The following TPRG1 variants were observed in gnomAD, a reference collection of about 807,000 sequenced individuals.
TPRG1 encodes the protein tumor protein p63-regulated gene 1 protein.
In TPRG1, 29 loss-of-function variants were observed where a neutral mutation model predicts 29.3. The ratio of observed to expected loss-of-function variants is 0.99; its 90% CI spans 0.74 to 1.35. The LOEUF is 1.35. Among genes scored for constraint, TPRG1 ranks in the 40% most tolerant of loss-of-function variants. The probability of loss-of-function intolerance (pLI) is 0.00; values close to 1 mark genes in which losing one functional copy is unlikely to be tolerated. For missense variants in TPRG1, 327 were observed against 335.0 expected, an observed-to-expected ratio of 0.98 and a Z score of 0.19; for synonymous variants, 130 against 116.8, an observed-to-expected ratio of 1.11 and a Z score of -0.73.
At chr3:189,307,886 A>G (rs1195298841) in intron 4 of TPRG1, among the ~76,000 whole-genome samples, 1 of 152,232 alleles carries the variant, frequency 6.6e-6, no homozygotes, top group African/African-American at 2.4e-5. Context: ...ATGTTGTGGT[A>G]GGTCCTGAAA....
chr3:189,033,329 C>T (rs147536554), intron 4 of TPRG1, among the ~76,000 whole-genome samples: 172 of 151,544 alleles, frequency 1.1e-3, no homozygotes, highest in Non-Finnish European at 2.0e-3. Context: ...TCACCCATGC[C>T]GGAGTGCAGC....
In TPRG1 at chr3:189,114,095, AC is replaced by A. The variant is rs577031742; in HGVS notation, c.-743-12958del. The stretch of plus-strand genomic sequence containing the variant: ...CTATTCCGTCAGCTAAAATACCAGA[AC>A]CCCTTATTACATGAGGGAGCTTCTA... On this transcript the variant is annotated intron_variant, in intron 1 of 6. Coordinates refer to the TPRG1 transcript ENST00000412373. Among the ~76,000 whole-genome samples, 337 of 152,182 alleles carry A rather than the reference AC, an allele frequency of 2.2e-3. 3 individuals are homozygous for A. Among genetic ancestry groups the A allele is most frequent in the African/African-American group, 7.9e-3 (328 of 41,506 alleles).
intron 4 of TPRG1, among the ~76,000 whole-genome samples, chr3:189,305,996 C>A (rs189803407): frequency 6.4e-4 from 98 of 152,274 alleles, no homozygotes; most frequent in Admixed American, 2.0e-3. Flanking sequence ...AATAAGTGAT[C>A]CTCTATTTCT....
At chr3:189,001,792 C>A (rs1365158826) in intron 2 of TPRG1, among the ~76,000 whole-genome samples, 2 of 152,102 alleles carry the variant, frequency 1.3e-5, no homozygotes, top group Non-Finnish European at 2.9e-5. Context: ...TGACTCACTT[C>A]TTTGACTTCC....
intron 4 of TPRG1, among the ~76,000 whole-genome samples, chr3:189,044,763 GA>G (rs1714865433): frequency 6.6e-6 from 1 of 152,170 alleles, no homozygotes; most frequent in Admixed American, 6.5e-5. Flanking sequence ...TTCTTGAGGA[GA>G]AACTTGAATG....
At chr3:189,147,652 G>C (rs1408708592) in intron 4 of TPRG1, 2 of 152,286 alleles carry the variant, frequency 1.3e-5, no homozygotes, top group Non-Finnish European at 2.9e-5. Flanking sequence ...CCACAGGTAA[G>C]GAGGCTAGGG....
At chr3:189,153,091 T>C (rs1209505280) in intron 5 of TPRG1, among the ~76,000 whole-genome samples, 3 of 152,238 alleles carry the variant, frequency 2.0e-5, no homozygotes, top group African/African-American at 4.8e-5. Context: ...GTAATATTCC[T>C]CTGACAGTGT....
chr3:189,201,272 C>G (rs938767664), intron 1 of TPRG1, among the ~76,000 whole-genome samples: 1 of 152,150 alleles, frequency 6.6e-6, no homozygotes, highest in African/African-American at 2.4e-5. Context: ...CAAGGGTTCA[C>G]AGAGATAGCA....
Position 189,047,858 on chromosome 3 carries a change from A to G in TPRG1, c.-463+23912A>G, listed in dbSNP as rs1408862002. Among the ~76,000 whole-genome samples the G allele has an allele frequency of 2.0e-5, 3 of 152,168 alleles. No individual in the cohort carries two copies. In the East Asian group the frequency reaches 5.8e-4, roughly 29 times the overall value. Reference sequence around the variant, plus strand: ...CAATTCAGTTACATCTTCAGGCTCCACTTCTCATTCTAGTTATTTTGTCAT... The same window carrying G: ...CAATTCAGTTACATCTTCAGGCTCCGCTTCTCATTCTAGTTATTTTGTCAT... On this transcript the variant is annotated intron_variant, in intron 4 of 10. Transcript: ENST00000433971.
At chr3:189,034,862 C>T (rs929152022) in intron 4 of TPRG1, among the ~76,000 whole-genome samples, 3 of 152,078 alleles carry the variant, frequency 2.0e-5, no homozygotes, top group Admixed American at 6.6e-5. Flanking sequence ...GCTATACTTC[C>T]CAAAGCAATT....
intron 4 of TPRG1, among the ~76,000 whole-genome samples, chr3:189,091,088 A>G (rs1476414275): frequency 6.6e-6 from 1 of 152,144 alleles, no homozygotes; most frequent in African/African-American, 2.4e-5. Context: ...GACTTATTGT[A>G]GGGATTAAGG....
intron 4 of TPRG1, among the ~76,000 whole-genome samples, chr3:189,057,248 A>G (rs1161791231): frequency 1.3e-5 from 2 of 152,200 alleles, no homozygotes; most frequent in East Asian, 1.9e-4. Context: ...CACATGATGT[A>G]TGCTTCAGCC....
chr3:189,109,201 G>T (rs2152204436), intron 1 of TPRG1, among the ~76,000 whole-genome samples: 1 of 152,258 alleles, frequency 6.6e-6, no homozygotes, highest in East Asian at 1.9e-4. Context: ...ATGGATCAAT[G>T]AAAGATTTCT....
rs1724374814 is a variant in TPRG1, at chr3:189,322,118, A to G, written c.*1298A>G. 6.6e-6 allele frequency: 1 copy of G among 152,108 alleles called. No individual in the cohort carries two copies. The highest frequency in any genetic ancestry group is 2.1e-4 in the South Asian group (1 of 4,826). 9.4% of individuals were successfully genotyped at this position (152,108 alleles called of 1,614,324 possible). A position where few individuals can be genotyped will look rare whatever the true frequency, so the allele number is the denominator to read the frequency against. On this transcript the variant is annotated 3_prime_UTR_variant, in exon 6 of 6. Transcript: ENST00000345063. Reference sequence around the variant, plus strand: ...AAAAAGCTTTGAATGTTGACTACATAGACATTACTACAATAAGCTTTTTGC... The same window carrying G: ...AAAAAGCTTTGAATGTTGACTACATGGACATTACTACAATAAGCTTTTTGC...
In TPRG1 at chr3:189,022,799, G is replaced by C. The variant is rs539154837; in HGVS notation, c.-659-951G>C. 8.1e-3 allele frequency among the ~76,000 whole-genome samples: 1,237 copies of C among 152,278 alleles called. 5 individuals carry two copies. Among genetic ancestry groups the C allele is most frequent in the Non-Finnish European group, 0.012 (789 of 68,014 alleles). On this transcript the variant is annotated intron_variant, in intron 3 of 10. Coordinates refer to the TPRG1 transcript ENST00000433971. The stretch of plus-strand genomic sequence containing the variant: ...CTGCTTTGTTTACCTAATCAAGCCG[G>C]GGCAATGGCGGGCGCCCCTCCCCCA...
chr3:189,224,512 A>C (rs1398072100), intron 3 of TPRG1, among the ~76,000 whole-genome samples: 1 of 152,264 alleles, frequency 6.6e-6, no homozygotes, highest in East Asian at 1.9e-4. Flanking sequence ...AAACAAAAAC[A>C]TTCATGGAAA....
At chr3:189,219,518 G>GA (rs5855244) in intron 3 of TPRG1, 307,895 of 942,606 alleles carry the variant, frequency 0.33, 12,498 homozygotes, top group African/African-American at 0.44. Flanking sequence ...TGGCCCTTCT[G>GA]AAAAAAAAAA....
At chr3:189,189,163 C>T (rs1336780164) in intron 1 of TPRG1, among the ~76,000 whole-genome samples, 7 of 151,972 alleles carry the variant, frequency 4.6e-5, no homozygotes, top group Non-Finnish European at 1.0e-4. Flanking sequence ...CCTATAATCC[C>T]ATTACCTAGA....
At chr3:189,252,263 C>T (rs1054400725) in intron 4 of TPRG1, among the ~76,000 whole-genome samples, 1 of 152,158 alleles carries the variant, frequency 6.6e-6, no homozygotes, top group Non-Finnish European at 1.5e-5. Flanking sequence ...TAGTACAGAG[C>T]AAAATGGAGT....
Sources: gnomAD v4.1 joint callset for allele counts (sites outside exome capture counted in the v4.1 genomes callset) on GRCh38, gnomAD v4.1.1 for gene constraint, MANE v1.5 for transcripts, NCBI Gene and HGNC (gene_info 2026-07-23, HGNC 2026-07-21) for gene names.